The following ITGA4 variants were observed in gnomAD, a reference collection of about 807,000 sequenced individuals.
The protein encoded by ITGA4 is integrin alpha-4.
A neutral mutation model predicts 133.6 loss-of-function variants in ITGA4; 63 were observed. The ratio of observed to expected loss-of-function variants is 0.47; its 90% CI spans 0.38 to 0.58. The LOEUF (loss-of-function observed/expected upper bound fraction) is 0.58. ITGA4 is among the 20% of genes least tolerant of loss of function. The pLI is 0.00. For synonymous variants in ITGA4, 483 were observed against 438.0 expected, an observed-to-expected ratio of 1.10 and a Z score of -1.28; for missense variants, 1,076 against 1,252.7, an observed-to-expected ratio of 0.86 and a Z score of 2.13.
Position 181,475,086 on chromosome 2 carries a change from C to A in ITGA4, c.426+20C>A, listed in dbSNP as rs200989622. The stretch of plus-strand genomic sequence containing the variant: ...ATCGTGGTAGGTATTGGAACTGGTC[C>A]ACAGATCCATCGTGAAATCAGCTAT... On this transcript the variant is annotated intron_variant, in intron 3 of 27. Transcript: ENST00000397033. 1 of 1,610,008 alleles carries A rather than the reference C, an allele frequency of 6.2e-7. No homozygotes were observed. The highest frequency in any genetic ancestry group is 8.5e-7 in the Non-Finnish European group (1 of 1,176,382).
rs750173023 is a variant in ITGA4, at chr2:181,485,953, A to T, written c.1114A>T (p.Ile372Leu). ...DKYAARFGESIVNLGDIDNDG... is the reference protein window; with the variant it reads ...DKYAARFGESLVNLGDIDNDG... ...ATATGCTGCAAGATTTGGGGAATCTATAGTTAATCTTGGCGACATTGACAA... is the reference window on the plus strand; with the variant it reads ...ATATGCTGCAAGATTTGGGGAATCTTTAGTTAATCTTGGCGACATTGACAA... Residue 372 changes from isoleucine to leucine, a missense_variant, in exon 10 of 28, where the codon ATA becomes TTA. Physicochemically the swap from Ile to Leu is conservative, Grantham distance 5. Transcript: ENST00000397033. 1.9e-6 allele frequency: 3 copies of T among 1,603,194 alleles called. No individual in the cohort carries two copies. The highest frequency in any genetic ancestry group is 1.8e-5 in the Admixed American group (1 of 56,400).
At chr2:181,490,254 G>A (rs1049450203) in intron 10 of ITGA4, among the ~76,000 whole-genome samples, 1 of 152,014 alleles carries the variant, frequency 6.6e-6, no homozygotes, top group African/African-American at 2.4e-5. Context: ...TTTCTTTGGA[G>A]GCAGAAATTG....
In ITGA4 at chr2:181,487,590, A is replaced by G. The variant is rs1195860256; in HGVS notation, c.1153+1598A>G. ...TAATGTATAGCAATAAGAAATTGTT[A>G]TTTATCTATTACAAGCCTGGTTTGA... On this transcript the variant is annotated intron_variant, in intron 10 of 27. Coordinates refer to ENST00000397033, the MANE Select transcript of ITGA4 (RefSeq NM_000885.6). 2.0e-5 allele frequency among the ~76,000 whole-genome samples: 3 copies of G among 152,196 alleles called. No homozygotes were observed. The East Asian group carries it at 5.8e-4, about 29-fold the overall frequency.
intron 17 of ITGA4, among the ~76,000 whole-genome samples, chr2:181,519,366 C>T (rs1015521193): frequency 6.6e-6 from 1 of 152,032 alleles, no homozygotes; most frequent in Admixed American, 6.6e-5. Context: ...TTTCCTTGAG[C>T]TAGGTGCTTA....
rs1301816252 is a variant in ITGA4, at chr2:181,537,943, A to G, written c.*2416A>G. The stretch of plus-strand genomic sequence containing the variant: ...AGCAGCAGCATTAGATTCTCATAGA[A>G]GTGCGAACCATATGGTGAACTGGTA... On this transcript the variant is annotated 3_prime_UTR_variant, in exon 28 of 28. Transcript: ENST00000397033. 1.6e-6 allele frequency: 1 copy of G among 617,500 alleles called. No homozygotes were observed. The highest frequency in any genetic ancestry group is 3.0e-6 in the Non-Finnish European group (1 of 329,034). The allele number at this position is 617,500 out of a possible 1,614,324, so 38.3% of individuals were successfully genotyped here.
intron 2 of ITGA4, among the ~76,000 whole-genome samples, chr2:181,464,570 T>C (rs1685368276): frequency 6.6e-6 from 1 of 152,144 alleles, no homozygotes; most frequent in Admixed American, 6.5e-5. Context: ...GGAGAAGGCT[T>C]CCTGGAGGAG....
intron 15 of ITGA4, among the ~76,000 whole-genome samples, chr2:181,507,597 C>G (rs1686420210): frequency 1.3e-5 from 2 of 152,178 alleles, no homozygotes; most frequent in African/African-American, 4.8e-5. Flanking sequence ...TACAAAAATC[C>G]AAGGATCCTC....
chr2:181,471,846 A>G (rs1049119224), intron 2 of ITGA4, among the ~76,000 whole-genome samples: 2 of 152,180 alleles, frequency 1.3e-5, no homozygotes, highest in African/African-American at 4.8e-5. Context: ...CTGGAGGGCT[A>G]ATTGTTCTCC....
At chr2:181,502,981 G>A (rs961003376) in intron 15 of ITGA4, among the ~76,000 whole-genome samples, 3 of 151,968 alleles carry the variant, frequency 2.0e-5, no homozygotes, top group Admixed American at 6.6e-5. Context: ...GCTAAGGAGG[G>A]GAGGGGGCAC....
chr2:181,475,334 A>G (rs181279436), intron 4 of ITGA4, 46 bp downstream of exon 4: 2 of 1,460,308 alleles, frequency 1.4e-6, no homozygotes, highest in Non-Finnish European at 1.9e-6. Flanking sequence ...AAGTAAGTGA[A>G]TACCTTTTAG....
chr2:181,499,485 A>T (rs375540792), intron 15 of ITGA4, among the ~76,000 whole-genome samples: 1 of 152,136 alleles, frequency 6.6e-6, no homozygotes, highest in Non-Finnish European at 1.5e-5. Context: ...CAGAAAATCT[A>T]TTGTCACAAA....
chr2:181,510,674 C>A (rs550132381), intron 16 of ITGA4, among the ~76,000 whole-genome samples: 13 of 151,530 alleles, frequency 8.6e-5, no homozygotes, highest in Admixed American at 4.0e-4. Flanking sequence ...AATACAGGAT[C>A]AAATGAAGAT....
At position 181,498,748 on chromosome 2, in the gene ITGA4, A is replaced by G. The variant is rs1448783047; in HGVS notation, c.1666A>G (p.Asn556Asp). ...GSIQVSSREA[N>D]CRTHQAFMRK... ...CATACAGGTGTCCAGCAGAGAAGCTAACTGTAGAACACATCAAGCATTTAT... is the reference window on the plus strand; with the variant it reads ...CATACAGGTGTCCAGCAGAGAAGCTGACTGTAGAACACATCAAGCATTTAT... The change falls in exon 15 of 28, where the codon AAC becomes GAC. Residue 556 changes from asparagine to aspartate, a missense_variant. By Grantham distance (23) the Asn-to-Asp change is conservative. Transcript: ENST00000397033. The G allele has an allele frequency of 6.2e-7, 1 of 1,608,736 alleles. No individual in the cohort carries two copies. The highest frequency in any genetic ancestry group is 8.5e-7 in the Non-Finnish European group (1 of 1,177,580).
At chr2:181,477,636 C>T (rs1015560754) in intron 4 of ITGA4, among the ~76,000 whole-genome samples, 29 of 152,004 alleles carry the variant, frequency 1.9e-4, no homozygotes, top group Admixed American at 1.9e-3. Flanking sequence ...AATTACAAAC[C>T]ACTATGAAAT....
intron 6 of ITGA4, among the ~76,000 whole-genome samples, chr2:181,481,032 C>T (rs1685789505): frequency 6.6e-6 from 1 of 151,598 alleles, no homozygotes; most frequent in African/African-American, 2.4e-5. Flanking sequence ...ATAAAATAAG[C>T]ACTCTTTCTT....
chr2:181,513,538 C>T (rs1686546888), intron 17 of ITGA4, among the ~76,000 whole-genome samples: 1 of 152,106 alleles, frequency 6.6e-6, no homozygotes, highest in South Asian at 2.1e-4. Flanking sequence ...TAGGCACTCA[C>T]TATCCTACCT....
intron 27 of ITGA4, among the ~76,000 whole-genome samples, chr2:181,535,151 A>C (rs1019158057): frequency 6.6e-6 from 1 of 152,166 alleles, no homozygotes; most frequent in Non-Finnish European, 1.5e-5. Context: ...TCCTTTTAAA[A>C]AACCATTTGG....
Position 181,458,202 on chromosome 2 carries a change from A to G in ITGA4, c.204A>G (p.Leu68=), listed in dbSNP as rs758036976. Residue 68 remains leucine (L), a synonymous_variant, in exon 2 of 28, where the codon CTA becomes CTG. Transcript: ENST00000397033. ...LHSHGANRWL[L]VGAPTANWLA... ...TGCACGTGTCTCGCTTTAGGCTCCT[A>G]GTGGGTGCGCCCACTGCCAACTGGC... 35 of 1,614,026 alleles carry G rather than the reference A, an allele frequency of 2.2e-5. No individual in the cohort carries two copies. The highest frequency in any genetic ancestry group is 3.0e-5 in the Non-Finnish European group (35 of 1,179,964).
At position 181,457,868 on chromosome 2, in the gene ITGA4, T is replaced by C; in HGVS notation, c.197+17T>C. On this transcript the variant is annotated intron_variant, in intron 1 of 27. Coordinates refer to ENST00000397033, the MANE Select transcript of ITGA4 (RefSeq NM_000885.6). Reference sequence around the variant, plus strand: ...GAACCGATGGTGAGTAGAGTTGGACTGATGCGCCCTCAGCAGCTCAGAGCG... The same window carrying C: ...GAACCGATGGTGAGTAGAGTTGGACCGATGCGCCCTCAGCAGCTCAGAGCG... 1 of 1,597,386 alleles carries C rather than the reference T, an allele frequency of 6.3e-7. No homozygotes were observed. The highest frequency in any genetic ancestry group is 8.6e-7 in the Non-Finnish European group (1 of 1,169,572).
Sources: gnomAD v4.1 joint callset for allele counts (sites outside exome capture counted in the v4.1 genomes callset) on GRCh38, gnomAD v4.1.1 for gene constraint, MANE v1.5 for transcripts, NCBI Gene and HGNC (gene_info 2026-07-23, HGNC 2026-07-21) for gene names.